DCAF1: variants seen among roughly 807,000 people sequenced by gnomAD.
The protein encoded by DCAF1 is DDB1 and CUL4 associated factor 1.
Under a neutral mutation model 128.0 loss-of-function variants are expected in DCAF1, and 15 were observed. The ratio of observed to expected loss-of-function variants is 0.12; its 90% CI spans 0.08 to 0.18. The LOEUF (loss-of-function observed/expected upper bound fraction) is 0.18. Ranked by LOEUF, DCAF1 falls within the 10% of genes least tolerant of loss-of-function variation. The pLI, the probability that DCAF1 is intolerant of heterozygous loss-of-function variation, is 1.00. For synonymous variants in DCAF1, 610 were observed against 603.0 expected (o/e 1.01, Z -0.17); for missense variants, 988 against 1,649.5 (o/e 0.60, Z 6.95).
chr3:51,396,066 A>G, downstream of DCAF1: 1 of 411,612 alleles, frequency 2.4e-6, no homozygotes, highest in Middle Eastern at 6.3e-4. Flanking sequence ...GCTCTCCAAC[A>G]AACGCCTGAG....
At chr3:51,462,497 G>A (rs1703707709) in intron 6 of DCAF1, among the ~76,000 whole-genome samples, 1 of 152,108 alleles carries the variant, frequency 6.6e-6, no homozygotes, top group Admixed American at 6.5e-5. Flanking sequence ...TGTAATGCCA[G>A]CACTTTGGGA....
At chr3:51,481,695 T>C (rs1237822537) in intron 3 of DCAF1, among the ~76,000 whole-genome samples, 1 of 148,820 alleles carries the variant, frequency 6.7e-6, no homozygotes, top group Non-Finnish European at 1.5e-5. Flanking sequence ...TCAAAAAAAA[T>C]GAAAGGTAAA....
chr3:51,481,269 G>C lies in DCAF1; in HGVS notation c.110+2450C>G, dbSNP rs145499276. 5.5e-3 allele frequency among the ~76,000 whole-genome samples: 830 copies of C among 152,290 alleles called. 4 individuals carry two copies. Among genetic ancestry groups the C allele is most frequent in the Non-Finnish European group, 7.8e-3 (534 of 68,030 alleles). On this transcript the variant is annotated intron_variant, in intron 3 of 24. Transcript: ENST00000684031. ...GAGAAGAATGTAGGTATGAATGAAG[G>C]TAGGAAAATCCTATTTGTGTATGAG...
At chr3:51,417,012 T>C (rs782712821) in intron 17 of DCAF1, 141 bp from the exon 18 acceptor site, 2 of 1,325,350 alleles carry the variant, frequency 1.5e-6, no homozygotes, top group Non-Finnish European at 2.0e-6. Context: ...GAAACAATCA[T>C]ACACTTAGAT....
intron 9 of DCAF1, chr3:51,440,309 T>C (rs1701247835): frequency 3.0e-6 from 1 of 332,802 alleles, no homozygotes. Flanking sequence ...GGCACATCTC[T>C]GTCAATAAAA....
chr3:51,491,949 A>C (rs1553658173), intron 2 of DCAF1, among the ~76,000 whole-genome samples: 1 of 152,086 alleles, frequency 6.6e-6, no homozygotes, highest in Non-Finnish European at 1.5e-5. Context: ...CGAGGTCAGG[A>C]GATCAAGACC....
At chr3:51,433,774 T>A (rs953601278) in intron 9 of DCAF1, among the ~76,000 whole-genome samples, 2 of 149,560 alleles carry the variant, frequency 1.3e-5, no homozygotes, top group Non-Finnish European at 3.0e-5. Context: ...GATTTTTTTA[T>A]GAAGGTGAAA....
intron 18 of DCAF1, 63 bp downstream of exon 18, chr3:51,416,721 CAAG>C (rs1698912747): frequency 3.9e-6 from 6 of 1,552,700 alleles, no homozygotes; most frequent in South Asian, 2.4e-5. Flanking sequence ...CACATTCTAT[CAAG>C]AAGATTTCAG....
chr3:51,398,677 C>G lies in DCAF1; in HGVS notation c.*92G>C. On this transcript the variant is annotated 3_prime_UTR_variant, in exon 25 of 25. Transcript: ENST00000684031. ...GGCATGCAGCTCCTTAAAAGACAGA[C>G]AGCCCTGGGAGAAAGAGAAGGGAAT... 6.7e-7 allele frequency: 1 copy of G among 1,496,908 alleles called. No homozygotes were observed. Among genetic ancestry groups the G allele is most frequent in the Non-Finnish European group, 9.0e-7 (1 of 1,110,068 alleles). The allele number at this position is 1,496,908 out of a possible 1,614,324, so 92.7% of individuals were successfully genotyped here.
At chr3:51,471,189 C>A (rs1577254822) in intron 3 of DCAF1, among the ~76,000 whole-genome samples, 184 bp from the exon 4 acceptor site, 1 of 139,932 alleles carries the variant, frequency 7.1e-6, no homozygotes, top group African/African-American at 2.6e-5. Context: ...CAAACTCATT[C>A]TTTTTTTTTT....
At chr3:51,458,010 G>A (rs1324823701) in intron 6 of DCAF1, among the ~76,000 whole-genome samples, 2 of 152,096 alleles carry the variant, frequency 1.3e-5, no homozygotes, top group South Asian at 2.1e-4. Context: ...ATCAACTATC[G>A]AGCAAAATAA....
chr3:51,496,203 G>A (rs1390152745), intron 2 of DCAF1, among the ~76,000 whole-genome samples: 1 of 152,104 alleles, frequency 6.6e-6, no homozygotes, highest in Non-Finnish European at 1.5e-5. Flanking sequence ...GAGGCCGGCA[G>A]ATCACAAGGT....
chr3:51,499,715 C>A (rs1326121903), intron 1 of DCAF1, among the ~76,000 whole-genome samples, 158 bp downstream of exon 1: 8 of 151,868 alleles, frequency 5.3e-5, no homozygotes, highest in Non-Finnish European at 1.2e-4. Context: ...GCCCCGGGCC[C>A]AGCCTCCCGG....
intron 23 of DCAF1, among the ~76,000 whole-genome samples, chr3:51,406,360 A>C (rs1178377043): frequency 6.6e-6 from 1 of 151,236 alleles, no homozygotes; most frequent in Non-Finnish European, 1.5e-5. Context: ...AAAAAAAAAA[A>C]AAAAACCAAA....
intron 2 of DCAF1, among the ~76,000 whole-genome samples, chr3:51,487,082 C>T (rs1208996713): frequency 1.3e-5 from 2 of 152,030 alleles, no homozygotes; most frequent in African/African-American, 4.8e-5. Flanking sequence ...AGCGATTCTC[C>T]CACCTCAGAC....
intron 3 of DCAF1, among the ~76,000 whole-genome samples, chr3:51,481,467 G>A (rs191201537): frequency 8.5e-4 from 128 of 151,014 alleles, no homozygotes; most frequent in African/African-American, 3.1e-3. Context: ...CGAGGTGGGT[G>A]GATCACCTGA....
chr3:51,474,361 G>C (rs377065013), intron 3 of DCAF1, among the ~76,000 whole-genome samples: 2 of 151,990 alleles, frequency 1.3e-5, no homozygotes, highest in Non-Finnish European at 2.9e-5. Flanking sequence ...CGGAGGTCGC[G>C]GTGAGCCGAG....
intron 2 of DCAF1, among the ~76,000 whole-genome samples, chr3:51,488,313 C>T (rs1707212202): frequency 6.6e-6 from 1 of 152,208 alleles, no homozygotes; most frequent in African/African-American, 2.4e-5. Flanking sequence ...AAAGCTACAG[C>T]CTGATGTCCT....
intron 6 of DCAF1, among the ~76,000 whole-genome samples, chr3:51,450,374 T>C (rs1702232666): frequency 6.6e-6 from 1 of 152,024 alleles, no homozygotes; most frequent in Non-Finnish European, 1.5e-5. Context: ...CTCAACAAAA[T>C]ACTAGGAAAA....
Sources: allele counts gnomAD v4.1 joint callset (sites outside exome capture counted in the v4.1 genomes callset), GRCh38; gene constraint gnomAD v4.1.1; transcripts MANE v1.5; gene names NCBI Gene and HGNC (gene_info 2026-07-23, HGNC 2026-07-21).